The following MTMR14 variants were observed in gnomAD, a reference collection of about 807,000 sequenced individuals.
MTMR14 encodes phosphatidylinositol-3,5-bisphosphate 3-phosphatase MTMR14.
A neutral mutation model predicts 86.3 loss-of-function variants in MTMR14; 48 were observed. The observed-to-expected ratio is 0.56, with a 90% CI of 0.44 to 0.71. The LOEUF (loss-of-function observed/expected upper bound fraction) is 0.71. Among genes scored for constraint, MTMR14 ranks in the 30% least tolerant of loss-of-function variants. MTMR14 has a pLI of 0.00. For missense variants in MTMR14, 780 were observed against 834.6 expected (o/e 0.93, Z 0.81); for synonymous variants, 366 against 326.1 (o/e 1.12, Z -1.32).
At chr3:9,700,619 C>G (rs1034433368) in intron 18 of MTMR14, 5 of 152,206 alleles carry the variant, frequency 3.3e-5, no homozygotes, top group Admixed American at 3.3e-4. Context: ...AGAATCAGAA[C>G]ACAGATCTTT....
intron 13 of MTMR14, among the ~76,000 whole-genome samples, chr3:9,686,929 A>C (rs1318716036): frequency 1.3e-5 from 2 of 152,232 alleles, no homozygotes; most frequent in Non-Finnish European, 1.5e-5. Flanking sequence ...GGCTGGGGTC[A>C]GGAGCCTCCT....
At chr3:9,663,036 TTGAA>T (rs1474568771) in intron 3 of MTMR14, among the ~76,000 whole-genome samples, 1 of 152,152 alleles carries the variant, frequency 6.6e-6, no homozygotes, top group Non-Finnish European at 1.5e-5. Flanking sequence ...ATGGAGGGGA[TTGAA>T]TGAAGACGGC....
intron 9 of MTMR14, among the ~76,000 whole-genome samples, chr3:9,681,721 C>T (rs371432115): frequency 1.3e-5 from 2 of 152,284 alleles, no homozygotes; most frequent in African/African-American, 4.8e-5. Context: ...CCTCGGTCAT[C>T]ACTTTGAGCA....
chr3:9,684,571 C>T lies in MTMR14; in HGVS notation c.965-14C>T, dbSNP rs146354267. On this transcript the variant is annotated splice_polypyrimidine_tract_variant and intron_variant, in intron 10 of 18. Coordinates refer to ENST00000296003, the MANE Select transcript of MTMR14 (RefSeq NM_001077525.3). ...GTTCTCTCCTGGGCATCCTCTCCTGCGGTTCCTGAGTAGATGACAGCGGGC... is the reference window on the plus strand; with the variant it reads ...GTTCTCTCCTGGGCATCCTCTCCTGTGGTTCCTGAGTAGATGACAGCGGGC... 571 of 1,613,664 alleles carry T rather than the reference C, an allele frequency of 3.5e-4. 4 individuals carry two copies. In the African/African-American group the frequency reaches 6.6e-3, roughly 19 times the overall value.
At chr3:9,676,649 G>A (rs1332733889) in intron 7 of MTMR14, among the ~76,000 whole-genome samples, 1 of 152,232 alleles carries the variant, frequency 6.6e-6, no homozygotes, top group Non-Finnish European at 1.5e-5. Context: ...AAAAAGCTGA[G>A]ATTTTAAGCT....
chr3:9,675,663 C>A (rs1373230518), intron 7 of MTMR14: 1 of 457,286 alleles, frequency 2.2e-6, no homozygotes, highest in Admixed American at 2.3e-5. Flanking sequence ...GGTTCCGAAG[C>A]CTATTCAGGT....
In MTMR14 at chr3:9,683,219, G is replaced by A. The variant is rs1244886535; in HGVS notation, c.939G>A (p.Leu313=). Residue 313 remains leucine, a synonymous_variant, in exon 10 of 19, where the codon CTG becomes CTA. Transcript: ENST00000296003. ...AACAAACACAAAACTACCTGAAGCT[G>A]CTGCTTTCCTTAGTTAACAGTGATG... ...LVQQTQNYLK[L]LLSLVNSDDD... The A allele has an allele frequency of 6.2e-7, 1 of 1,614,214 alleles. No individual in the cohort carries two copies. The highest frequency in any genetic ancestry group is 1.7e-5 in the Admixed American group (1 of 60,030).
chr3:9,690,263 C>A, intron 17 of MTMR14, 120 bp downstream of exon 17: 1 of 1,112,384 alleles, frequency 9.0e-7, no homozygotes, highest in African/African-American at 1.5e-5. Context: ...AGCTTGCAGG[C>A]CCAGTATTTG....
intron 16 of MTMR14, 107 bp downstream of exon 16, chr3:9,689,189 G>A (rs755108669): frequency 1.2e-5 from 18 of 1,495,068 alleles, no homozygotes; most frequent in Non-Finnish European, 1.5e-5. Context: ...CCCAAGAGAA[G>A]AGCTGAGAGG....
chr3:9,695,246 A>G (rs1275397334), intron 17 of MTMR14, among the ~76,000 whole-genome samples: 4 of 152,148 alleles, frequency 2.6e-5, no homozygotes, highest in African/African-American at 4.8e-5. Flanking sequence ...CAGCTAATCC[A>G]TGGTGGTATT....
rs1283521449 is a variant in MTMR14, at chr3:9,683,249, G to A, written c.964+5G>A. 80 of 1,613,972 alleles carry A rather than the reference G, an allele frequency of 5.0e-5. No homozygotes were observed. The highest frequency in any genetic ancestry group is 6.4e-5 in the Non-Finnish European group (76 of 1,179,954). ...TTTCCTTAGTTAACAGTGATGGTGA[G>A]TCTGTCTCCTCCAGAGCCCTCGAGC... On this transcript the variant is annotated splice_donor_5th_base_variant and intron_variant, in intron 10 of 18. Coordinates refer to ENST00000296003, the MANE Select transcript of MTMR14 (RefSeq NM_001077525.3).
chr3:9,690,969 CTCAGT>C (rs2076121692), intron 17 of MTMR14, among the ~76,000 whole-genome samples: 1 of 152,190 alleles, frequency 6.6e-6, no homozygotes, highest in African/African-American at 2.4e-5. Context: ...GATTTTCAGA[CTCAGT>C]TTAGTCCTTG....
At chr3:9,657,547 C>CT (rs532896796) in intron 2 of MTMR14, among the ~76,000 whole-genome samples, 5,810 of 146,628 alleles carry the variant, frequency 0.04, 353 homozygotes, top group African/African-American at 0.13. Context: ...TATCACCACT[C>CT]TTTTTTTTTT....
intron 3 of MTMR14, among the ~76,000 whole-genome samples, chr3:9,664,975 T>C (rs1433422183): frequency 6.6e-6 from 1 of 152,186 alleles, no homozygotes; most frequent in Admixed American, 6.5e-5. Flanking sequence ...GTGATTGTTA[T>C]GCGTGGTATG....
intron 13 of MTMR14, among the ~76,000 whole-genome samples, chr3:9,686,537 G>A (rs778997075): frequency 2.6e-5 from 4 of 152,170 alleles, no homozygotes; most frequent in African/African-American, 4.8e-5. Context: ...AAAACCCCAG[G>A]CCTATTAGTT....
chr3:9,685,108 G>A, intron 12 of MTMR14, 103 bp from the exon 13 acceptor site: 1 of 1,542,134 alleles, frequency 6.5e-7, no homozygotes, highest in South Asian at 1.1e-5. Context: ...GGCCCCACCT[G>A]CCACGCTGGT....
intron 9 of MTMR14, among the ~76,000 whole-genome samples, chr3:9,681,556 A>G (rs963172032): frequency 6.6e-6 from 1 of 152,232 alleles, no homozygotes; most frequent in Non-Finnish European, 1.5e-5. Flanking sequence ...GTAGGAGTTT[A>G]CCAACCAGCA....
At chr3:9,671,705 T>C (rs1489703714) in intron 6 of MTMR14, among the ~76,000 whole-genome samples, 1 of 152,142 alleles carries the variant, frequency 6.6e-6, no homozygotes, top group Non-Finnish European at 1.5e-5. Context: ...CAAATTTTAC[T>C]TCAGTGACTG....
In MTMR14 at chr3:9,689,958, C is replaced by A. The variant is rs1364146897; in HGVS notation, c.1434-6C>A. ...CCGGCTCACAGCCCTGCTCCTTCCA[C>A]TGCAGGAGGAAGAGCCACTCATCCT... On this transcript the variant is annotated splice_polypyrimidine_tract_variant and splice_region_variant and intron_variant, in intron 16 of 18. Transcript: ENST00000296003. The A allele has an allele frequency of 3.1e-6, 5 of 1,608,114 alleles. No individual in the cohort carries two copies. The African/African-American group carries it at 5.3e-5, about 17-fold the overall frequency.
Sources: allele counts gnomAD v4.1 joint callset (sites outside exome capture counted in the v4.1 genomes callset), GRCh38; gene constraint gnomAD v4.1.1; transcripts MANE v1.5; gene names NCBI Gene and HGNC (gene_info 2026-07-23, HGNC 2026-07-21).